The following CORO2B variants were observed in gnomAD, a reference collection of about 807,000 sequenced individuals.
CORO2B encodes coronin-2B.
CORO2B carries 26 observed loss-of-function variants against 58.8 expected under a neutral mutation model. The ratio of observed to expected loss-of-function variants is 0.44; its 90% CI spans 0.32 to 0.61. The LOEUF (loss-of-function observed/expected upper bound fraction) is 0.61, where lower values mean the gene tolerates loss of function less well. Among genes scored for constraint, CORO2B ranks in the 20% least tolerant of loss-of-function variants. The pLI is 0.04. For missense variants in CORO2B, 460 were observed against 645.1 expected (o/e 0.71, Z 3.11); for synonymous variants, 242 against 253.8 (o/e 0.95, Z 0.44).
At chr15:68,701,844 G>A (rs1892659977) in intron 3 of CORO2B, among the ~76,000 whole-genome samples, 2 of 152,158 alleles carry the variant, frequency 1.3e-5, no homozygotes, top group African/African-American at 4.8e-5. Context: ...GAATCATCTC[G>A]GGCTCTGAGA....
intron 1 of CORO2B, among the ~76,000 whole-genome samples, chr15:68,630,727 G>A (rs943954914): frequency 2.0e-5 from 3 of 152,068 alleles, no homozygotes; most frequent in Middle Eastern, 3.2e-3. Flanking sequence ...AGGTTTGGTC[G>A]GTGGCTCCAC....
At chr15:68,657,605 G>A (rs7169645) in intron 2 of CORO2B, among the ~76,000 whole-genome samples, 63,666 of 151,144 alleles carry the variant, frequency 0.42, 14,084 homozygotes, top group East Asian at 0.5. Flanking sequence ...AATGCATTAC[G>A]CCCCATGATT....
chr15:68,540,544 C>A, the CORO2B span, among the ~76,000 whole-genome samples: 1 of 152,190 alleles, frequency 6.6e-6, no homozygotes, highest in African/African-American at 2.4e-5. Context: ...TGCAGTTTAG[C>A]TCACAACTCA....
At chr15:68,684,452 A>G (rs1349213421) in intron 2 of CORO2B, among the ~76,000 whole-genome samples, 1 of 152,272 alleles carries the variant, frequency 6.6e-6, no homozygotes, top group African/African-American at 2.4e-5. Flanking sequence ...AGGCCAGGGC[A>G]GAAAGGACCA....
chr15:68,594,918 G>T (rs1231094520), intron 1 of CORO2B, among the ~76,000 whole-genome samples: 1 of 152,224 alleles, frequency 6.6e-6, no homozygotes, highest in Admixed American at 6.5e-5. Flanking sequence ...CTATCATGCT[G>T]TGTGACCTTA....
chr15:68,585,827 G>T (rs1335602791), intron 1 of CORO2B, among the ~76,000 whole-genome samples: 2 of 152,216 alleles, frequency 1.3e-5, no homozygotes, highest in African/African-American at 4.8e-5. Flanking sequence ...GGTGCTGGGG[G>T]AGGAGGGTGT....
At chr15:68,632,503 T>C (rs891889089) in intron 1 of CORO2B, among the ~76,000 whole-genome samples, 8 of 152,226 alleles carry the variant, frequency 5.3e-5, no homozygotes, top group African/African-American at 1.4e-4. Flanking sequence ...CAGAATCCTA[T>C]CTTGGATGTT....
intron 2 of CORO2B, among the ~76,000 whole-genome samples, chr15:68,653,544 A>C (rs1278027020): frequency 6.6e-6 from 1 of 152,100 alleles, no homozygotes; most frequent in Non-Finnish European, 1.5e-5. Context: ...AGCACCATAC[A>C]GGGGCTGCCC....
At chr15:68,699,115 A>C (rs1892581859) in intron 3 of CORO2B, among the ~76,000 whole-genome samples, 1 of 152,122 alleles carries the variant, frequency 6.6e-6, no homozygotes, top group Non-Finnish European at 1.5e-5. Context: ...ATGCATATAC[A>C]GTGCGCTTAG....
intron 2 of CORO2B, among the ~76,000 whole-genome samples, chr15:68,672,291 A>C (rs1902429434): frequency 6.6e-6 from 1 of 152,022 alleles, no homozygotes; most frequent in African/African-American, 2.4e-5. Flanking sequence ...GCTGGGGTGC[A>C]GTGGTACAAT....
chr15:68,578,738 G>A (rs1313718581), upstream of CORO2B, among the ~76,000 whole-genome samples: 2 of 152,106 alleles, frequency 1.3e-5, no homozygotes, highest in African/African-American at 4.8e-5. The surrounding 1 kb of genome is among the most constrained non-coding windows in gnomAD (Gnocchi z 4.2). Flanking sequence ...CAGCCGGCAG[G>A]TGCCGGGAGC....
At chr15:68,574,289 T>G (rs549500102), upstream of CORO2B, among the ~76,000 whole-genome samples, 1 of 152,298 alleles carries the variant, frequency 6.6e-6, no homozygotes, top group East Asian at 1.9e-4. Context: ...CATGTGGGCA[T>G]GCCGCCTGGG....
chr15:68,691,327 C>CAAAAAAAAAA (rs1192260415), intron 2 of CORO2B, among the ~76,000 whole-genome samples: 448 of 9,536 alleles, frequency 0.047, 33 homozygotes, highest in East Asian at 0.19. Context: ...GACTCCGTCT[C>CAAAAAAAAAA]AAAAAAAAAA....
At chr15:68,544,689 A>C in the CORO2B span, among the ~76,000 whole-genome samples, 1 of 152,028 alleles carries the variant, frequency 6.6e-6, no homozygotes, top group Non-Finnish European at 1.5e-5. Flanking sequence ...AGCCTTGGGT[A>C]GGTGGAAGCC....
chr15:68,587,365 C>T (rs957063864), intron 1 of CORO2B, among the ~76,000 whole-genome samples: 7 of 152,138 alleles, frequency 4.6e-5, no homozygotes, highest in East Asian at 1.9e-4. Context: ...CTGCCCAGAG[C>T]GGTGGTGTGT....
chr15:68,715,909 G>T (rs901214697), intron 8 of CORO2B, among the ~76,000 whole-genome samples: 5 of 152,208 alleles, frequency 3.3e-5, no homozygotes, highest in African/African-American at 1.2e-4. Context: ...ATATGATTCA[G>T]CAATTCTATA....
chr15:68,548,300 C>T, the CORO2B span, among the ~76,000 whole-genome samples: 138 of 151,956 alleles, frequency 9.1e-4, 1 homozygote, highest in African/African-American at 3.1e-3. Flanking sequence ...ACATTTTGTT[C>T]GCCTGTTCTT....
chr15:68,710,942 G>C lies in CORO2B; in HGVS notation c.483+61G>C. ...TGGGGAAGAGAAAGGGGCCTTTTGG[G>C]TACCCGTAGGAAGCACTGTTGCTTC... On this transcript the variant is annotated intron_variant, in intron 4 of 11. Transcript: ENST00000261861. The surrounding 1 kb of genome is among the most constrained non-coding windows in gnomAD (Gnocchi z 4.1). 1 of 1,505,164 alleles carries C rather than the reference G, an allele frequency of 6.6e-7. No homozygotes were observed. 93.2% of individuals were successfully genotyped at this position (1,505,164 alleles called of 1,614,324 possible). A position where few individuals can be genotyped will look rare whatever the true frequency, so the allele number is the denominator to read the frequency against.
chr15:68,577,724 CAA>C (rs11389925), upstream of CORO2B, among the ~76,000 whole-genome samples: 65,181 of 108,412 alleles, frequency 0.6, 19,195 homozygotes, highest in East Asian at 0.75. Flanking sequence ...ACTCCGGTCT[CAA>C]AAAAAAAAAA....
Sources: allele counts gnomAD v4.1 joint callset (sites outside exome capture counted in the v4.1 genomes callset), GRCh38; gene constraint gnomAD v4.1.1; non-coding constraint Gnocchi (gnomAD v3.1); transcripts MANE v1.5; gene names NCBI Gene and HGNC (gene_info 2026-07-23, HGNC 2026-07-21).